The following FAM210A variants were observed in gnomAD, a reference collection of about 807,000 sequenced individuals.
FAM210A encodes family with sequence similarity 210 member A.
FAM210A carries 13 observed loss-of-function variants against 25.3 expected under a neutral mutation model. The ratio of observed to expected loss-of-function variants is 0.51; its 90% confidence interval spans 0.33 to 0.82. The LOEUF is 0.82. FAM210A is among the 40% of genes least tolerant of loss of function. FAM210A has a pLI of 0.02. For synonymous variants in FAM210A, 125 were observed against 118.7 expected, an observed-to-expected ratio of 1.05 and a Z score of -0.35; for missense variants, 319 against 323.2, an observed-to-expected ratio of 0.99 and a Z score of 0.10.
intron 1 of FAM210A, among the ~76,000 whole-genome samples, chr18:13,717,461 T>C (rs1241566617): frequency 8.6e-6 from 1 of 116,004 alleles, no homozygotes; most frequent in Non-Finnish European, 1.9e-5. Context: ...AGTTTTGAAC[T>C]TCACCACTGC....
intron 2 of FAM210A, among the ~76,000 whole-genome samples, chr18:13,676,335 A>T: frequency 7.2e-6 from 1 of 138,494 alleles, no homozygotes. Context: ...CTGATTATTA[A>T]CATTCCTGAG....
At chr18:13,667,838 C>G (rs2043413273) in intron 3 of FAM210A, among the ~76,000 whole-genome samples, 1 of 152,134 alleles carries the variant, frequency 6.6e-6, no homozygotes, top group South Asian at 2.1e-4. Flanking sequence ...CAAGACTAGT[C>G]TGGGCAACAT....
At chr18:13,706,569 A>G (rs2043779659) in intron 1 of FAM210A, among the ~76,000 whole-genome samples, 1 of 152,212 alleles carries the variant, frequency 6.6e-6, no homozygotes. Context: ...TAAAGAGAAC[A>G]TTGCCAGGAG....
chr18:13,717,800 T>C (rs1385737297), intron 1 of FAM210A, among the ~76,000 whole-genome samples: 1 of 152,114 alleles, frequency 6.6e-6, no homozygotes, highest in Non-Finnish European at 1.5e-5. Flanking sequence ...AGAAAAGACT[T>C]ATGGTATAGT....
At position 13,699,233 on chromosome 18, in the gene FAM210A, T is replaced by C. The variant is rs1333256332; in HGVS notation, c.-28-17128A>G. Among the ~76,000 whole-genome samples, 6 of 152,240 alleles carry C rather than the reference T, an allele frequency of 3.9e-5. No homozygotes were observed. The South Asian group carries it at 6.2e-4, about 16-fold the overall frequency. ...GGGTTCTTACTTTCCTACTCCCTAA[T>C]GCACTGATGGCTCCAATTTAATTTC... is the stretch of plus-strand genomic sequence containing the variant. On this transcript the variant is annotated intron_variant, in intron 1 of 3. Coordinates refer to ENST00000651643, the MANE Select transcript of FAM210A (RefSeq NM_152352.4).
intron 3 of FAM210A, among the ~76,000 whole-genome samples, chr18:13,670,703 A>C (rs76405618): frequency 6.6e-6 from 1 of 152,062 alleles, no homozygotes; most frequent in Non-Finnish European, 1.5e-5. Context: ...TATCAAGATG[A>C]TGCTGTCAGG....
chr18:13,681,647 GT>G lies in FAM210A; in HGVS notation c.430del (p.Thr144LeufsTer14). 6.2e-7 allele frequency: 1 copy of G among 1,612,260 alleles called. No individual in the cohort carries two copies. Among genetic ancestry groups the G allele is most frequent in the Non-Finnish European group, 8.5e-7 (1 of 1,179,500 alleles). On this transcript the variant is annotated frameshift_variant, in exon 2 of 4. Coordinates refer to ENST00000651643, the MANE Select transcript of FAM210A (RefSeq NM_152352.4). LOFTEE classifies it high-confidence loss of function. ...GKVLIPVHLI[T>X]SGVWFGTFYY... ...AAATGTTCCAAACCAAACACCAGAA[GT>G]TATTAGATGCACTGGAATCAGAACT...
intron 1 of FAM210A, among the ~76,000 whole-genome samples, chr18:13,692,079 CAAA>C (rs137984372): frequency 1.4e-5 from 2 of 147,974 alleles, no homozygotes; most frequent in African/African-American, 2.5e-5. Flanking sequence ...AAATGGAAAA[CAAA>C]AAAAAAGGCA....
chr18:13,697,094 A>G (rs954809346), intron 1 of FAM210A, among the ~76,000 whole-genome samples: 3 of 152,238 alleles, frequency 2.0e-5, no homozygotes, highest in African/African-American at 7.2e-5. Context: ...GTGGCCTAGG[A>G]ACAATAGGCT....
chr18:13,667,912 C>G (rs1234704870), intron 3 of FAM210A, among the ~76,000 whole-genome samples: 1 of 152,060 alleles, frequency 6.6e-6, no homozygotes, highest in Non-Finnish European at 1.5e-5. Flanking sequence ...AAGAAAAATA[C>G]TTAGCCGGGA....
intron 1 of FAM210A, among the ~76,000 whole-genome samples, chr18:13,708,282 A>AG: frequency 6.6e-6 from 1 of 152,358 alleles, no homozygotes; most frequent in East Asian, 1.9e-4. Flanking sequence ...GTAAGGTATT[A>AG]GGGGGGTGTC....
chr18:13,696,855 A>T (rs2043698754), intron 1 of FAM210A, among the ~76,000 whole-genome samples: 2 of 152,248 alleles, frequency 1.3e-5, no homozygotes, highest in Non-Finnish European at 2.9e-5. Context: ...CAAAGTCCAC[A>T]GTAGTATACA....
intron 3 of FAM210A, among the ~76,000 whole-genome samples, chr18:13,667,865 C>G (rs1019309414): frequency 6.6e-6 from 1 of 152,118 alleles, no homozygotes; most frequent in African/African-American, 2.4e-5. Flanking sequence ...ACCCTGCCAT[C>G]TCTTAAAACA....
rs1406744181 is a variant in FAM210A at position 13,674,227 on chromosome 18, G to A, written c.474-2254C>T. On this transcript the variant is annotated intron_variant, in intron 2 of 3. Coordinates refer to ENST00000651643, the MANE Select transcript of FAM210A (RefSeq NM_152352.4). ...CTGATTATTAACATTCCTGAGCCCC[G>A]ACTTTATTTCCAGTTTCCTGATTAT... Among the ~76,000 whole-genome samples, 7 of 111,680 alleles carry A rather than the reference G, an allele frequency of 6.3e-5. 1 individual carries two copies. Among genetic ancestry groups the A allele is most frequent in the East Asian group, 3.3e-4 (1 of 3,074 alleles). 73.3% of individuals were successfully genotyped at this position (111,680 alleles called of 152,430 possible).
chr18:13,717,579 A>G (rs191289549), intron 1 of FAM210A, among the ~76,000 whole-genome samples: 1 of 152,330 alleles, frequency 6.6e-6, no homozygotes, highest in African/African-American at 2.4e-5. Context: ...AAAAATACAG[A>G]ATGTTTAGAA....
At position 13,665,102 on chromosome 18, in the gene FAM210A, A is replaced by T. The variant is rs1040152169; in HGVS notation, c.*1378T>A. The T allele has an allele frequency of 6.6e-6, 1 of 152,310 alleles. No individual in the cohort carries two copies. The highest frequency in any genetic ancestry group is 2.4e-5 in the African/African-American group (1 of 41,408). The allele number at this position is 152,310 out of a possible 1,614,324, so 9.4% of individuals were successfully genotyped here. ...ATGGTGAAACCCCATCTCTACTAAAAATACAAAAAAATTAGCTGGGCGTGG... is the reference window on the plus strand; with the variant it reads ...ATGGTGAAACCCCATCTCTACTAAATATACAAAAAAATTAGCTGGGCGTGG... On this transcript the variant is annotated 3_prime_UTR_variant, in exon 4 of 4. Transcript: ENST00000651643.
chr18:13,695,149 C>A (rs998111269), intron 1 of FAM210A, among the ~76,000 whole-genome samples: 1 of 152,150 alleles, frequency 6.6e-6, no homozygotes, highest in African/African-American at 2.4e-5. Flanking sequence ...AAATGCAAAT[C>A]AAAACCACAA....
chr18:13,683,359 T>G (rs747899222), intron 1 of FAM210A, among the ~76,000 whole-genome samples: 11 of 152,134 alleles, frequency 7.2e-5, no homozygotes, highest in Non-Finnish European at 1.3e-4. Flanking sequence ...AGAAAAAAAG[T>G]GTAGAGTGAT....
At chr18:13,697,467 T>C (rs1036650393) in intron 1 of FAM210A, 1 of 173,288 alleles carries the variant, frequency 5.8e-6, no homozygotes, top group Non-Finnish European at 1.2e-5. Context: ...CTCTCACTTA[T>C]TGTTGGTGGG....
Sources: gnomAD v4.1 joint callset for allele counts (sites outside exome capture counted in the v4.1 genomes callset) on GRCh38, gnomAD v4.1.1 for gene constraint, MANE v1.5 for transcripts, NCBI Gene and HGNC (gene_info 2026-07-23, HGNC 2026-07-21) for gene names.